RNF141: variants seen among roughly 807,000 people sequenced by gnomAD.
The protein encoded by RNF141 is ring finger protein 141.
A neutral mutation model predicts 27.4 loss-of-function variants in RNF141; 18 were observed. The ratio of observed to expected loss-of-function variants is 0.66; its 90% CI spans 0.45 to 0.97. The LOEUF is 0.97. RNF141 is among the 50% of genes least tolerant of loss of function. RNF141 has a pLI of 0.00. For missense variants in RNF141, 230 were observed against 279.4 expected (o/e 0.82, Z 1.26); for synonymous variants, 97 against 96.6 (o/e 1.00, Z -0.02).
At position 10,536,647 on chromosome 11, in the gene RNF141, C is replaced by T. The variant is rs536365153; in HGVS notation, c.-47-2442G>A. Among the ~76,000 whole-genome samples, 8 of 152,246 alleles carry T rather than the reference C, an allele frequency of 5.3e-5. No homozygotes were observed. The East Asian group carries it at 1.5e-3, about 29-fold the overall frequency. ...TGTGTTTTTTAAAGAGATGGAGTCT[C>T]TTTAAACAAACAGAGTTTGTTGCCC... On this transcript the variant is annotated intron_variant, in intron 1 of 5. Transcript: ENST00000265981.
chr11:10,527,645 C>CG (rs55785645), intron 3 of RNF141, among the ~76,000 whole-genome samples: 3,229 of 150,884 alleles, frequency 0.021, 63 homozygotes, highest in African/African-American at 0.052. Context: ...TGAGAAGTCA[C>CG]GGGGGGGGGT....
intron 1 of RNF141, among the ~76,000 whole-genome samples, chr11:10,538,974 G>C (rs1850061170): frequency 6.6e-6 from 1 of 152,130 alleles, no homozygotes; most frequent in African/African-American, 2.4e-5. Flanking sequence ...CAAAGAACTA[G>C]CAGCTCTCAT....
At chr11:10,522,103 T>C (rs901176820) in intron 4 of RNF141, among the ~76,000 whole-genome samples, 3 of 152,178 alleles carry the variant, frequency 2.0e-5, no homozygotes, top group African/African-American at 4.8e-5. Context: ...AAGACAAATC[T>C]TTTATGTGGT....
intron 3 of RNF141, among the ~76,000 whole-genome samples, chr11:10,526,330 GA>G (rs1849935389): frequency 6.6e-6 from 1 of 152,116 alleles, no homozygotes; most frequent in South Asian, 2.1e-4. Flanking sequence ...TTAGGTTCTG[GA>G]ATGTATTGAT....
At chr11:10,530,782 T>C in intron 2 of RNF141, 31 bp from the exon 3 acceptor site, 1 of 1,347,840 alleles carries the variant, frequency 7.4e-7, no homozygotes, top group South Asian at 1.3e-5. Flanking sequence ...GTTAATTTTA[T>C]GAAAAATCAT....
At chr11:10,533,245 T>A (rs1004222834) in intron 2 of RNF141, among the ~76,000 whole-genome samples, 2 of 152,176 alleles carry the variant, frequency 1.3e-5, no homozygotes, top group Non-Finnish European at 2.9e-5. Flanking sequence ...CACAGTGGTC[T>A]GGGGGCATTC....
At chr11:10,527,644 A>G (rs1444643636) in intron 3 of RNF141, among the ~76,000 whole-genome samples, 1 of 79,912 alleles carries the variant, frequency 1.3e-5, no homozygotes, top group Non-Finnish European at 2.6e-5. Context: ...ATGAGAAGTC[A>G]CGGGGGGGGG....
Position 10,534,195 on chromosome 11 carries a change from T to G in RNF141, c.-37A>C. 1 of 1,601,724 alleles carries G rather than the reference T, an allele frequency of 6.2e-7. No homozygotes were observed. Among genetic ancestry groups the G allele is most frequent in the Non-Finnish European group, 8.5e-7 (1 of 1,173,834 alleles). On this transcript the variant is annotated 5_prime_UTR_variant, in exon 2 of 6. It removes the in-frame stop codon of an upstream open reading frame in the 5' UTR. Transcript: ENST00000265981. ...GTCTTTCAAAATCCAGAGTGTTGCT[T>G]CACATAGTTTCTGTCAAATATACAG... is the stretch of plus-strand genomic sequence containing the variant.
At chr11:10,540,509 GTTCTT>G (rs981462510) in intron 1 of RNF141, among the ~76,000 whole-genome samples, 5 of 152,250 alleles carry the variant, frequency 3.3e-5, no homozygotes, top group Non-Finnish European at 7.4e-5. Context: ...GCAAGAAAAC[GTTCTT>G]TTCTTAGCCG....
At chr11:10,518,930 T>C in intron 5 of RNF141, 104 bp downstream of exon 5, 4 of 732,126 alleles carry the variant, frequency 5.5e-6, no homozygotes, top group Non-Finnish European at 9.0e-6. Context: ...AAGAATAAAA[T>C]CTCTCTCATA....
Position 10,514,527 on chromosome 11 carries a change from C to A in RNF141, c.*389G>T, listed in dbSNP as rs149571700. The A allele has an allele frequency of 1.3e-5, 2 of 156,538 alleles. No individual in the cohort carries two copies. Among genetic ancestry groups the A allele is most frequent in the African/African-American group, 2.4e-5 (1 of 41,696 alleles). The allele number at this position is 156,538 out of a possible 1,614,324, so 9.7% of individuals were successfully genotyped here. A position where few individuals can be genotyped will look rare whatever the true frequency, so the allele number is the denominator to read the frequency against. On this transcript the variant is annotated 3_prime_UTR_variant, in exon 6 of 6. Transcript: ENST00000265981. ...TAAACTTTCCTCTCTCAGATGGCTA[C>A]AACTTTTTAATATTCGAGGTTTATT...
chr11:10,531,874 C>G (rs1335010350), intron 2 of RNF141: 7 of 250,362 alleles, frequency 2.8e-5, no homozygotes, highest in Non-Finnish European at 5.7e-5. Context: ...GTGCCAGTTT[C>G]CAGCTCTGTT....
chr11:10,535,837 G>A (rs1360241059), intron 1 of RNF141, among the ~76,000 whole-genome samples: 1 of 152,160 alleles, frequency 6.6e-6, no homozygotes, highest in Non-Finnish European at 1.5e-5. Context: ...ACTACACATT[G>A]TCCTTATTTT....
chr11:10,535,595 G>A (rs978030316), intron 1 of RNF141, among the ~76,000 whole-genome samples: 5 of 152,092 alleles, frequency 3.3e-5, no homozygotes, highest in Admixed American at 2.6e-4. Flanking sequence ...GTCAACAACA[G>A]TGATTGCTGA....
intron 1 of RNF141, among the ~76,000 whole-genome samples, chr11:10,540,259 T>C (rs888673583): frequency 3.9e-5 from 6 of 152,138 alleles, no homozygotes; most frequent in African/African-American, 1.4e-4. Flanking sequence ...CAATTGAAAG[T>C]GTTCCAGCAG....
At chr11:10,529,266 G>A (rs1228715666) in intron 3 of RNF141, among the ~76,000 whole-genome samples, 2 of 152,194 alleles carry the variant, frequency 1.3e-5, no homozygotes, top group Admixed American at 1.3e-4. Flanking sequence ...GTTCAGAAGT[G>A]ACATCTGCTG....
At chr11:10,538,986 T>A (rs1044854722) in intron 1 of RNF141, among the ~76,000 whole-genome samples, 1 of 152,216 alleles carries the variant, frequency 6.6e-6, no homozygotes, top group Admixed American at 6.5e-5. Flanking sequence ...AGCTCTCATA[T>A]TATTGTGCCA....
chr11:10,518,354 C>T (rs1008173870), intron 5 of RNF141: 1 of 151,936 alleles, frequency 6.6e-6, no homozygotes, highest in Non-Finnish European at 1.5e-5. Flanking sequence ...TAATTTCCCT[C>T]AATAGGTGAA....
chr11:10,517,288 A>C (rs1849850418), intron 5 of RNF141: 1 of 152,160 alleles, frequency 6.6e-6, no homozygotes, highest in Admixed American at 6.5e-5. Context: ...AAAATGGTGA[A>C]TATGAAAAGA....
Sources: allele counts gnomAD v4.1 joint callset (sites outside exome capture counted in the v4.1 genomes callset), GRCh38; gene constraint gnomAD v4.1.1; transcripts MANE v1.5; gene names NCBI Gene and HGNC (gene_info 2026-07-23, HGNC 2026-07-21).